Variants in PHACTR3 observed in about 807,000 individuals in gnomAD.
PHACTR3 encodes phosphatase and actin regulator 3.
Under a neutral mutation model 66.8 loss-of-function variants are expected in PHACTR3, and 16 were observed. That is an observed-to-expected ratio of 0.24 (90% CI 0.16 to 0.36). The LOEUF (loss-of-function observed/expected upper bound fraction) is 0.36. PHACTR3 is among the 10% of genes least tolerant of loss of function. The pLI, the probability that PHACTR3 is intolerant of heterozygous loss-of-function variation, is 1.00. For missense variants in PHACTR3, 647 were observed against 719.9 expected (o/e 0.90, Z 1.16); for synonymous variants, 323 against 292.1 (o/e 1.11, Z -1.08).
At chr20:59,617,917 G>T (rs575532565) in intron 1 of PHACTR3, among the ~76,000 whole-genome samples, 3 of 152,166 alleles carry the variant, frequency 2.0e-5, no homozygotes, top group African/African-American at 7.2e-5. Context: ...CCTCATCCTC[G>T]TGGTAGATCG....
intron 7 of PHACTR3, among the ~76,000 whole-genome samples, chr20:59,795,550 G>A (rs2041230361): frequency 6.6e-6 from 1 of 152,030 alleles, no homozygotes; most frequent in South Asian, 2.1e-4. Flanking sequence ...TTTTTTGACT[G>A]GATGATCTGT....
intron 11 of PHACTR3, among the ~76,000 whole-genome samples, chr20:59,843,235 A>G (rs1342454048): frequency 6.6e-6 from 1 of 152,194 alleles, no homozygotes; most frequent in Non-Finnish European, 1.5e-5. Flanking sequence ...AAATGGAAAG[A>G]TATCTCATGC....
intron 8 of PHACTR3, among the ~76,000 whole-genome samples, 164 bp downstream of exon 8, chr20:59,806,358 C>T (rs569484908): frequency 6.6e-6 from 1 of 152,292 alleles, no homozygotes; most frequent in East Asian, 1.9e-4. Context: ...CGTGTGGAGG[C>T]CCTTTCCTGT....
chr20:59,668,341 C>T (rs1601049331), intron 1 of PHACTR3, among the ~76,000 whole-genome samples: 3 of 150,716 alleles, frequency 2.0e-5, no homozygotes, highest in South Asian at 4.2e-4. Flanking sequence ...TGGGCACGTA[C>T]GCCTGTATGG....
intron 1 of PHACTR3, among the ~76,000 whole-genome samples, chr20:59,727,210 G>A (rs998260423): frequency 3.3e-5 from 5 of 152,086 alleles, no homozygotes; most frequent in African/African-American, 1.2e-4. Context: ...TTTTGTGGCC[G>A]GCTGTCCCCA....
intron 7 of PHACTR3, among the ~76,000 whole-genome samples, chr20:59,781,566 G>A (rs866993557): frequency 7.2e-5 from 11 of 152,192 alleles, no homozygotes; most frequent in African/African-American, 1.9e-4. Context: ...TGGCGCTCAC[G>A]TGGTAGCCCT....
At chr20:59,633,538 T>C (rs1411432275) in intron 1 of PHACTR3, among the ~76,000 whole-genome samples, 1 of 152,130 alleles carries the variant, frequency 6.6e-6, no homozygotes, top group East Asian at 1.9e-4. Flanking sequence ...AGAGGACAGG[T>C]CAATAGGTGC....
At chr20:59,596,006 G>A (rs565141597) in intron 1 of PHACTR3, among the ~76,000 whole-genome samples, 7 of 152,288 alleles carry the variant, frequency 4.6e-5, no homozygotes, top group African/African-American at 1.7e-4. Context: ...TAGGCAGAAC[G>A]CAGTTCAAGA....
At chr20:59,733,533 C>T (rs776128116) in intron 1 of PHACTR3, among the ~76,000 whole-genome samples, 2 of 152,148 alleles carry the variant, frequency 1.3e-5, no homozygotes, top group Admixed American at 6.5e-5. Flanking sequence ...CCCTATTTCT[C>T]CTTCCTCCTC....
chr20:59,735,815 T>C (rs1490166031), intron 1 of PHACTR3, among the ~76,000 whole-genome samples: 1 of 152,058 alleles, frequency 6.6e-6, no homozygotes. Context: ...CAATAAATAG[T>C]GAATCCCAGG....
At chr20:59,719,485 A>G (rs920668285) in intron 1 of PHACTR3, among the ~76,000 whole-genome samples, 1 of 152,146 alleles carries the variant, frequency 6.6e-6, no homozygotes, top group African/African-American at 2.4e-5. Flanking sequence ...CTTAAGGGGA[A>G]TTTCCTACCT....
chr20:59,674,289 C>G (rs2036298199), intron 1 of PHACTR3, among the ~76,000 whole-genome samples: 1 of 150,270 alleles, frequency 6.7e-6, no homozygotes, highest in African/African-American at 2.5e-5. Context: ...AATTAATGTG[C>G]TGCCCCAGGC....
chr20:59,614,404 T>C (rs936378529), intron 1 of PHACTR3, among the ~76,000 whole-genome samples: 1 of 152,216 alleles, frequency 6.6e-6, no homozygotes, highest in South Asian at 2.1e-4. Context: ...CAGCTGTCTG[T>C]AGAGTTGTTG....
chr20:59,741,005 G>A (rs944473685), intron 1 of PHACTR3, among the ~76,000 whole-genome samples: 4 of 152,224 alleles, frequency 2.6e-5, no homozygotes, highest in Admixed American at 2.6e-4. Context: ...GGTCTGAGGG[G>A]CCTGGCCCAT....
intron 10 of PHACTR3, among the ~76,000 whole-genome samples, chr20:59,840,845 T>C (rs1172094026): frequency 6.6e-6 from 1 of 152,228 alleles, no homozygotes; most frequent in East Asian, 1.9e-4. Flanking sequence ...GAAAGCTTTA[T>C]TAGACTCAAA....
At chr20:59,743,378 C>CCAGGA in intron 2 of PHACTR3, 110 bp downstream of exon 2, 1 of 1,376,530 alleles carries the variant, frequency 7.3e-7, no homozygotes, top group Non-Finnish European at 9.9e-7. Flanking sequence ...ACAGGAGGGG[C>CCAGGA]AGATGTGCTT....
At chr20:59,622,990 A>AAAAAACAAACAAAC (rs2034306564) in intron 1 of PHACTR3, among the ~76,000 whole-genome samples, 1 of 142,014 alleles carries the variant, frequency 7.0e-6, no homozygotes, top group African/African-American at 2.6e-5. Flanking sequence ...CCAAAAAAAA[A>AAAAAACAAACAAAC]AAAAAAAAAA....
At chr20:59,614,422 C>T (rs542799782) in intron 1 of PHACTR3, among the ~76,000 whole-genome samples, 12 of 152,272 alleles carry the variant, frequency 7.9e-5, no homozygotes, top group African/African-American at 2.6e-4. Context: ...TTGAAGGTCC[C>T]GTCTTTAATG....
rs1187642268 is a variant in PHACTR3 at position 59,847,165 on chromosome 20, T to TCAGTG, written c.*35_*36insCAGTG. The TCAGTG allele has an allele frequency of 1.4e-6, 2 of 1,474,798 alleles. No individual in the cohort carries two copies. The highest frequency in any genetic ancestry group is 3.4e-5 in the Admixed American group (2 of 59,250). 91.4% of individuals were successfully genotyped at this position (1,474,798 alleles called of 1,614,324 possible). ...TCTGAGAAGAATTTGTGTTTAATTTTTTGATACCAACACTGAACATTCATC... is the reference window on the plus strand; with the variant it reads ...TCTGAGAAGAATTTGTGTTTAATTTTCAGTGTTGATACCAACACTGAACATTCATC... On this transcript the variant is annotated 3_prime_UTR_variant, in exon 13 of 13. Transcript: ENST00000371015.
Sources: gnomAD v4.1 joint callset for allele counts (sites outside exome capture counted in the v4.1 genomes callset) on GRCh38, gnomAD v4.1.1 for gene constraint, MANE v1.5 for transcripts, NCBI Gene and HGNC (gene_info 2026-07-23, HGNC 2026-07-21) for gene names.